HORMAD2: variants seen among roughly 807,000 people sequenced by gnomAD.
The protein encoded by HORMAD2 is HORMA domain containing 2, also known as HORMA domain-containing protein 2.
In HORMAD2, 45 loss-of-function variants were observed where a neutral mutation model predicts 38.8. That is an observed-to-expected ratio of 1.16 (90% CI 0.91 to 1.49). HORMAD2 has a LOEUF of 1.49. HORMAD2 is among the 40% of genes most tolerant of loss of function. The pLI is 0.00. For missense variants in HORMAD2, 338 were observed against 367.0 expected (o/e 0.92, Z 0.65); for synonymous variants, 126 against 122.8 (o/e 1.03, Z -0.17).
At chr22:30,160,476 G>A (rs1925373808) in intron 10 of HORMAD2, among the ~76,000 whole-genome samples, 1 of 151,790 alleles carries the variant, frequency 6.6e-6, no homozygotes, top group Non-Finnish European at 1.5e-5. Context: ...ACTTGAAGAG[G>A]GTGATATCAT....
upstream of HORMAD2, among the ~76,000 whole-genome samples, chr22:30,079,151 A>G (rs1039815390): frequency 6.6e-6 from 1 of 152,160 alleles, no homozygotes; most frequent in African/African-American, 2.4e-5. Context: ...ACAAAATAAG[A>G]ACAGGTTTCA....
At chr22:30,163,255 CTTTG>C (rs1925563950) in intron 10 of HORMAD2, among the ~76,000 whole-genome samples, 1 of 151,906 alleles carries the variant, frequency 6.6e-6, no homozygotes, top group African/African-American at 2.4e-5. Flanking sequence ...GAACATGACT[CTTTG>C]TGCATATATG....
At chr22:30,099,754 CT>C in intron 3 of HORMAD2, among the ~76,000 whole-genome samples, 1 of 152,080 alleles carries the variant, frequency 6.6e-6, no homozygotes, top group African/African-American at 2.4e-5. Context: ...GGGCATTATG[CT>C]GGGCACCTGT....
chr22:30,135,276 T>A (rs1421555629), intron 10 of HORMAD2, among the ~76,000 whole-genome samples: 1 of 151,888 alleles, frequency 6.6e-6, no homozygotes, highest in Non-Finnish European at 1.5e-5. Flanking sequence ...GAAGCAACTG[T>A]TTTTGGACAT....
chr22:30,099,831 G>A (rs904642006), intron 3 of HORMAD2, among the ~76,000 whole-genome samples: 1 of 152,184 alleles, frequency 6.6e-6, no homozygotes, highest in Admixed American at 6.5e-5. Context: ...ATATTGCAAT[G>A]AGCCAAGATC....
chr22:30,122,261 T>A, intron 10 of HORMAD2, 47 bp downstream of exon 10: 2 of 1,542,930 alleles, frequency 1.3e-6, no homozygotes, highest in Non-Finnish European at 1.8e-6. Context: ...TTAAACACAA[T>A]TGATATTTTT....
intron 10 of HORMAD2, among the ~76,000 whole-genome samples, chr22:30,172,572 G>A (rs545556295): frequency 1.9e-4 from 29 of 152,110 alleles, no homozygotes; most frequent in Non-Finnish European, 3.4e-4. Context: ...CCAGATGGCA[G>A]GAACTGAGAA....
intron 10 of HORMAD2, among the ~76,000 whole-genome samples, chr22:30,147,040 G>A (rs554948677): frequency 7.2e-5 from 11 of 152,218 alleles, no homozygotes; most frequent in Non-Finnish European, 7.4e-5. Flanking sequence ...AGAAATTAAC[G>A]AAGACTTAAA....
chr22:30,094,244 G>T (rs927141769), intron 2 of HORMAD2, among the ~76,000 whole-genome samples: 1 of 152,142 alleles, frequency 6.6e-6, no homozygotes, highest in African/African-American at 2.4e-5. Flanking sequence ...ATATATTTAG[G>T]TCTTCTAGAG....
chr22:30,093,998 T>A lies in HORMAD2; in HGVS notation c.46T>A (p.Ser16Thr). 6.2e-7 allele frequency: 1 copy of A among 1,601,298 alleles called. No homozygotes were observed. The highest frequency in any genetic ancestry group is 1.1e-5 in the South Asian group (1 of 89,436). The change falls in exon 2 of 11, where the codon TCT becomes ACT. Residue 16 changes from serine to threonine, a missense_variant. Transcript: ENST00000336726. ...TCACTGCATCACAATACACAAGGCT[T>A]CTAAGGTATTTGTTAAGAATTAAAA... ...LSHCITIHKA[S>T]KETVFPSQIT...
At chr22:30,185,791 G>C in the HORMAD2 span, among the ~76,000 whole-genome samples, 1 of 151,812 alleles carries the variant, frequency 6.6e-6, no homozygotes, top group South Asian at 2.1e-4. Flanking sequence ...CTGGAAACTT[G>C]TCAGTTAAGG....
At chr22:30,084,497 A>G (rs555040545) in intron 1 of HORMAD2, among the ~76,000 whole-genome samples, 12 of 152,254 alleles carry the variant, frequency 7.9e-5, no homozygotes, top group Admixed American at 3.9e-4. Flanking sequence ...ACACATTCAA[A>G]CCATAGCAAT....
At chr22:30,172,998 G>A (rs1926208523) in intron 10 of HORMAD2, among the ~76,000 whole-genome samples, 1 of 152,128 alleles carries the variant, frequency 6.6e-6, no homozygotes, top group Non-Finnish European at 1.5e-5. Flanking sequence ...GGTAAGAACA[G>A]AACACAGCTG....
rs112291564 is a variant in HORMAD2 at position 30,170,545 on chromosome 22, A to T, written c.820-5518A>T. 5.5e-3 allele frequency among the ~76,000 whole-genome samples: 837 copies of T among 152,300 alleles called. 8 individuals carry two copies. The highest frequency in any genetic ancestry group is 0.019 in the African/African-American group (783 of 41,566). On this transcript the variant is annotated intron_variant, in intron 10 of 10. Transcript: ENST00000336726. ...TTTAACAGGAGTATGTTGGATGCAT[A>T]ATACCTAACCATAAGAGCTAATCTA...
downstream of HORMAD2, chr22:30,177,094 T>TC (rs1926503370): frequency 6.6e-6 from 1 of 152,578 alleles, no homozygotes; most frequent in African/African-American, 2.4e-5. Context: ...TTTGCTCATC[T>TC]TTTTTCACAC....
the HORMAD2 span, among the ~76,000 whole-genome samples, chr22:30,183,364 C>G: frequency 2.0e-5 from 3 of 152,208 alleles, no homozygotes; most frequent in South Asian, 6.2e-4. Context: ...AGCCCACCCT[C>G]CCCAGGCCCA....
At chr22:30,154,021 A>G (rs1160671) in intron 10 of HORMAD2, among the ~76,000 whole-genome samples, 22,428 of 152,126 alleles carry the variant, frequency 0.15, 3,472 homozygotes, top group African/African-American at 0.38. Flanking sequence ...TATTCATGTC[A>G]CTTCACTGTT....
At chr22:30,152,453 A>G (rs1005323886) in intron 10 of HORMAD2, among the ~76,000 whole-genome samples, 5 of 151,968 alleles carry the variant, frequency 3.3e-5, no homozygotes, top group Non-Finnish European at 5.9e-5. Flanking sequence ...CAGCCTCCCA[A>G]GAAGCTGGGA....
rs1486414298 is a variant in HORMAD2, at chr22:30,113,237, C to T, written c.342+715C>T. Reference sequence around the variant, plus strand: ...AATCTCCTCAACCAGATTGTGAATTCTTCTTTTTTTTTCTTTTTTCTTTTT... The same window carrying T: ...AATCTCCTCAACCAGATTGTGAATTTTTCTTTTTTTTTCTTTTTTCTTTTT... On this transcript the variant is annotated intron_variant, in intron 7 of 10. Coordinates refer to ENST00000336726, the MANE Select transcript of HORMAD2 (RefSeq NM_152510.4). Among the ~76,000 whole-genome samples the T allele has an allele frequency of 2.0e-5, 3 of 151,864 alleles. No individual in the cohort carries two copies. In the East Asian group the frequency reaches 5.8e-4, roughly 29 times the overall value.
Sources: gnomAD v4.1 joint callset for allele counts (sites outside exome capture counted in the v4.1 genomes callset) on GRCh38, gnomAD v4.1.1 for gene constraint, MANE v1.5 for transcripts, NCBI Gene and HGNC (gene_info 2026-07-23, HGNC 2026-07-21) for gene names.